Variants in LAMA5 observed in about 807,000 individuals in gnomAD.
LAMA5 encodes the protein laminin subunit alpha 5, also known as laminin subunit alpha-5.
In LAMA5, 260 loss-of-function variants were observed where a neutral mutation model predicts 433.4. That is an observed-to-expected ratio of 0.60 (90% confidence interval 0.54 to 0.66). The LOEUF is 0.66. Ranked by LOEUF, LAMA5 falls within the 30% of genes least tolerant of loss-of-function variation. The probability of loss-of-function intolerance (pLI) is 0.00; values close to 1 mark genes in which losing one functional copy is unlikely to be tolerated. For missense variants in LAMA5, 5,378 were observed against 5,258.5 expected (o/e 1.02, Z -0.70); for synonymous variants, 2,620 against 2,226.6 (o/e 1.18, Z -4.97).
chr20:62,315,611 C>A (rs1332779240), intron 58 of LAMA5, among the ~76,000 whole-genome samples: 1 of 152,182 alleles, frequency 6.6e-6, no homozygotes, highest in Non-Finnish European at 1.5e-5. Context: ...GTCTTGCCAG[C>A]CCCTTGGTTC....
In LAMA5 at chr20:62,338,155, A is replaced by AGAGCG; in HGVS notation, c.1757-10_1757-6dup. The stretch of plus-strand genomic sequence containing the variant: ...CTGCAGGGCTGCAGCCACACACTGC[A>AGAGCG]GAGCGGAGCGGGTGTCACGGTAGGC... On this transcript the variant is annotated splice_polypyrimidine_tract_variant and splice_region_variant and intron_variant, in intron 13 of 79. Coordinates refer to ENST00000252999, the MANE Select transcript of LAMA5 (RefSeq NM_005560.6). 1 of 1,576,536 alleles carries AGAGCG rather than the reference A, an allele frequency of 6.3e-7. No individual in the cohort carries two copies. The highest frequency in any genetic ancestry group is 8.6e-7 in the Non-Finnish European group (1 of 1,158,860).
chr20:62,310,979 C>G lies in LAMA5; in HGVS notation c.10204G>C (p.Val3402Leu), dbSNP rs749855835. The part of the protein sequence containing the change: ...LALFLSNGHF[V>L]AQMEGLGTRL... Reference sequence around the variant, plus strand: ...GTCCCGAGGCCTTCCATCTGTGCAACGAAGTGGCCATTGCTCAGGAAGAGC... The same window carrying G: ...GTCCCGAGGCCTTCCATCTGTGCAAGGAAGTGGCCATTGCTCAGGAAGAGC... Residue 3402 changes from valine (V) to leucine (L), a missense_variant, in exon 74 of 80, where the codon GTT becomes CTT. Transcript: ENST00000252999. 6.2e-7 allele frequency: 1 copy of G among 1,611,548 alleles called. No homozygotes were observed. The highest frequency in any genetic ancestry group is 8.5e-7 in the Non-Finnish European group (1 of 1,179,486).
At position 62,318,628 on chromosome 20, in the gene LAMA5, C is replaced by A; in HGVS notation, c.7065G>T (p.Gln2355His). 1 of 1,610,614 alleles carries A rather than the reference C, an allele frequency of 6.2e-7. No individual in the cohort carries two copies. The highest frequency in any genetic ancestry group is 8.5e-7 in the Non-Finnish European group (1 of 1,178,972). Residue 2355 changes from glutamine to histidine, a missense_variant, in exon 53 of 80, where the codon CAG becomes CAT. Physicochemically the swap from Gln to His is conservative, Grantham distance 24 (BLOSUM62 0). Transcript: ENST00000252999. ...GGTTCTCCTCCCAGAGGCTGCTCAG[C>A]TGCTCCTGCACCCGGGCCAGCACTA... is the stretch of plus-strand genomic sequence containing the variant. ...AQRLLARVQE[Q>H]LSSLWEENQA...
chr20:62,323,513 A>G lies in LAMA5; in HGVS notation c.6007T>C (p.Cys2003Arg). The stretch of plus-strand genomic sequence containing the variant: ...TAGAAGCCGGGGGCACAGATCTCGC[A>G]GCGGGGCCCAGTGGTGTGGCGCAGG... ...GCLRHTTGPR[C>R]EICAPGFYGN... The change falls in exon 45 of 80, where the codon TGC becomes CGC. Residue 2003 changes from cysteine (C) to arginine (R), a missense_variant. Coordinates refer to ENST00000252999, the MANE Select transcript of LAMA5 (RefSeq NM_005560.6). 1 of 1,567,042 alleles carries G rather than the reference A, an allele frequency of 6.4e-7. No homozygotes were observed. The highest frequency in any genetic ancestry group is 1.3e-5 in the African/African-American group (1 of 74,462).
At chr20:62,357,285 A>G (rs1229355824) in intron 2 of LAMA5, among the ~76,000 whole-genome samples, 5 of 152,154 alleles carry the variant, frequency 3.3e-5, no homozygotes, top group Non-Finnish European at 7.4e-5. Context: ...CCCTGCAGGA[A>G]GAAGGGCGTT....
rs777606498 is a variant in LAMA5, at chr20:62,352,378, A to C, written c.569-18T>G. 1 of 1,577,306 alleles carries C rather than the reference A, an allele frequency of 6.3e-7. No homozygotes were observed. The highest frequency in any genetic ancestry group is 2.2e-5 in the East Asian group (1 of 44,632). On this transcript the variant is annotated intron_variant, in intron 3 of 79. Coordinates refer to ENST00000252999, the MANE Select transcript of LAMA5 (RefSeq NM_005560.6). ...CTTGGAGGCTGCGGGGAATGGCGGG[A>C]GGGGAGGGCGCTGGATCACCAGAAA...
rs923587045 is a variant in LAMA5 at position 62,335,208 on chromosome 20, C to T, written c.2376+9G>A. 1.9e-6 allele frequency: 3 copies of T among 1,612,708 alleles called. No homozygotes were observed. Among genetic ancestry groups the T allele is most frequent in the Non-Finnish European group, 2.5e-6 (3 of 1,179,586 alleles). ...CCCAAATCCCCCACACCTTGGTCCT[C>T]AGACTCACCGGCTGGCACTCAGCAA... On this transcript the variant is annotated intron_variant, in intron 19 of 79. Transcript: ENST00000252999.
chr20:62,309,312 C>T lies in LAMA5; in HGVS notation c.*24G>A. 8.8e-6 allele frequency: 14 copies of T among 1,588,956 alleles called. No individual in the cohort carries two copies. The highest frequency in any genetic ancestry group is 1.2e-5 in the Non-Finnish European group (14 of 1,175,802). On this transcript the variant is annotated 3_prime_UTR_variant, in exon 80 of 80. Transcript: ENST00000252999. ...GTGTGAGGCAGCTGCAGGGGCCTGACCAGGGGCCGGGGTTGGCTGTGTCCT... is the reference window on the plus strand; with the variant it reads ...GTGTGAGGCAGCTGCAGGGGCCTGATCAGGGGCCGGGGTTGGCTGTGTCCT...
rs149973281 is a variant in LAMA5 at position 62,318,998 on chromosome 20, G to A, written c.6887C>T (p.Thr2296Met). Residue 2296 changes from threonine to methionine, a missense_variant, in exon 52 of 80, where the codon ACG (threonine) becomes ATG (methionine). Coordinates refer to ENST00000252999, the MANE Select transcript of LAMA5 (RefSeq NM_005560.6). ...GGCATTGGCCAGCCCCAGGTGGCCC[G>A]TCTGGGACATGAGCTCTGTGGGGCA... ...DRTLSELMSQ[T>M]GHLGLANASA... The A allele has an allele frequency of 5.6e-4, 887 of 1,585,992 alleles. 3 individuals are homozygous for A. The African/African-American group carries it at 0.01, about 18-fold the overall frequency.
At position 62,325,289 on chromosome 20, in the gene LAMA5, C is replaced by G. The variant is rs535148368; in HGVS notation, c.5529+27G>C. 18 of 1,479,264 alleles carry G rather than the reference C, an allele frequency of 1.2e-5. No homozygotes were observed. In the East Asian group the frequency reaches 3.5e-4, roughly 29 times the overall value. The allele number at this position is 1,479,264 out of a possible 1,614,324, so 91.6% of individuals were successfully genotyped here. On this transcript the variant is annotated intron_variant, in intron 41 of 79. Coordinates refer to ENST00000252999, the MANE Select transcript of LAMA5 (RefSeq NM_005560.6). ...AAGGGTGTGCACAGGTGAGCCGCCTCGCAGTCTGGTGCTGTCCTAACCTCA... is the reference window on the plus strand; with the variant it reads ...AAGGGTGTGCACAGGTGAGCCGCCTGGCAGTCTGGTGCTGTCCTAACCTCA...
rs200222321 is a variant in LAMA5, at chr20:62,329,108, G to A, written c.4235+30C>T. On this transcript the variant is annotated intron_variant, in intron 33 of 79. Coordinates refer to ENST00000252999, the MANE Select transcript of LAMA5 (RefSeq NM_005560.6). ...AGCTCCCGGCCCAGACCCCCACCCCGGACCCCTGACCTGCCAGAGCCCTGC... is the reference window on the plus strand; with the variant it reads ...AGCTCCCGGCCCAGACCCCCACCCCAGACCCCTGACCTGCCAGAGCCCTGC... The A allele has an allele frequency of 2.2e-4, 351 of 1,611,454 alleles. 1 individual carries two copies. The highest frequency in any genetic ancestry group is 1.0e-3 in the African/African-American group (78 of 75,022).
At position 62,316,648 on chromosome 20, in the gene LAMA5, C is replaced by T. The variant is rs560312727; in HGVS notation, c.7756+23G>A. Reference sequence around the variant, plus strand: ...TCAGATGCCCAGCAGGCCTAAGGGCCCCCATCGGAGCCCAGCACTCACCAA... The same window carrying T: ...TCAGATGCCCAGCAGGCCTAAGGGCTCCCATCGGAGCCCAGCACTCACCAA... On this transcript the variant is annotated intron_variant, in intron 57 of 79. Coordinates refer to ENST00000252999, the MANE Select transcript of LAMA5 (RefSeq NM_005560.6). 1.1e-5 allele frequency: 16 copies of T among 1,506,714 alleles called. No homozygotes were observed. In the South Asian group the frequency reaches 1.5e-4, roughly 14 times the overall value. The allele number at this position is 1,506,714 out of a possible 1,614,324, so 93.3% of individuals were successfully genotyped here.
chr20:62,319,636 G>C (rs991651798), intron 51 of LAMA5, 48 bp downstream of exon 51: 1 of 1,378,724 alleles, frequency 7.3e-7, no homozygotes, highest in Non-Finnish European at 9.9e-7. Context: ...CCTACCCCAG[G>C]CAGCCCTCCT....
intron 2 of LAMA5, among the ~76,000 whole-genome samples, chr20:62,356,676 C>T (rs1208084424): frequency 1.3e-5 from 2 of 152,072 alleles, no homozygotes; most frequent in African/African-American, 4.8e-5. Context: ...CCCAGGAGTA[C>T]GGGGCCCAGG....
At chr20:62,360,626 AGGG>A (rs1423434677) in intron 2 of LAMA5, among the ~76,000 whole-genome samples, 4 of 32,252 alleles carry the variant, frequency 1.2e-4, no homozygotes, top group African/African-American at 4.9e-4. Flanking sequence ...GGGTGGGTGG[AGGG>A]ATAGATGGGT....
chr20:62,347,098 TGAAGGGGCCTGTGATCCCCTC>T, intron 6 of LAMA5, 70 bp from the exon 7 acceptor site: 1 of 1,163,112 alleles, frequency 8.6e-7, no homozygotes, highest in Non-Finnish European at 1.3e-6. Context: ...GTCCCTTCCC[TGAAGGGGCCTGTGATCCCCTC>T]GATGGCTTGG....
chr20:62,319,044 G>A (rs899443812), intron 51 of LAMA5, 31 bp from the exon 52 acceptor site: 2 of 1,511,450 alleles, frequency 1.3e-6, no homozygotes, highest in Non-Finnish European at 1.8e-6. Flanking sequence ...AGAGCCTGGG[G>A]CCGCCCGTAC....
Position 62,310,823 on chromosome 20 carries a change from C to T in LAMA5, c.10288G>A (p.Val3430Met), listed in dbSNP as rs751806649. Reference protein sequence around the residue: ...SRPGRWHKVSVRWEKNRILLV... With the variant: ...SRPGRWHKVSMRWEKNRILLV... ...AGGATCCGGTTCTTCTCCCAGCGCA[C>T]GGAGACCTGGGGGCAGGAGATGGGT... Residue 3430 changes from valine to methionine, a missense_variant, in exon 75 of 80, where the codon GTG becomes ATG. Physicochemically the swap from Val to Met is conservative, Grantham distance 21 (BLOSUM62 1). Coordinates refer to ENST00000252999, the MANE Select transcript of LAMA5 (RefSeq NM_005560.6). The T allele has an allele frequency of 1.6e-5, 25 of 1,560,704 alleles. No homozygotes were observed. Among genetic ancestry groups the T allele is most frequent in the Non-Finnish European group, 2.0e-5 (23 of 1,152,430 alleles).
chr20:62,334,483 G>C (rs572306335), intron 21 of LAMA5, 39 bp downstream of exon 21: 6 of 1,529,036 alleles, frequency 3.9e-6, no homozygotes, highest in Non-Finnish European at 5.3e-6. Context: ...CAAGCTGCCT[G>C]CCCCGCTCCC....
Sources: allele counts gnomAD v4.1 joint callset (sites outside exome capture counted in the v4.1 genomes callset), GRCh38; gene constraint gnomAD v4.1.1; transcripts MANE v1.5; gene names NCBI Gene and HGNC (gene_info 2026-07-23, HGNC 2026-07-21).